Variants in NFATC2 observed in about 807,000 individuals in gnomAD.
NFATC2 encodes nuclear factor of activated T cells 2.
Under a neutral mutation model 87.3 loss-of-function variants are expected in NFATC2, and 22 were observed. The observed-to-expected ratio is 0.25, with a 90% CI of 0.18 to 0.36. The LOEUF is 0.36. Ranked by LOEUF, NFATC2 falls within the 10% of genes least tolerant of loss-of-function variation. The pLI is 1.00. For synonymous variants in NFATC2, 565 were observed against 542.2 expected (o/e 1.04, Z -0.58); for missense variants, 1,149 against 1,259.1 (o/e 0.91, Z 1.32).
chr20:51,494,285 C>T (rs1427151566), intron 3 of NFATC2, among the ~76,000 whole-genome samples: 2 of 152,064 alleles, frequency 1.3e-5, no homozygotes, highest in African/African-American at 2.4e-5. Flanking sequence ...CTAAGGTGTC[C>T]GGCACAGGGC....
At chr20:51,474,825 C>T (rs917194295) in intron 4 of NFATC2, among the ~76,000 whole-genome samples, 1 of 152,134 alleles carries the variant, frequency 6.6e-6, no homozygotes, top group Non-Finnish European at 1.5e-5. Flanking sequence ...TTGGGCCTCT[C>T]TGCATCATCA....
chr20:51,553,238 C>G (rs1249553857), intron 1 of NFATC2, among the ~76,000 whole-genome samples: 2 of 152,162 alleles, frequency 1.3e-5, no homozygotes, highest in African/African-American at 2.4e-5. Context: ...CTGCCGGGAG[C>G]CTGTGAGCTT....
rs559062496 is a variant in NFATC2 at position 51,432,784 on chromosome 20, C to T, written c.2033-28G>A. 52 of 1,520,546 alleles carry T rather than the reference C, an allele frequency of 3.4e-5. No homozygotes were observed. The East Asian group carries it at 4.8e-4, about 14-fold the overall frequency. 94.2% of individuals were successfully genotyped at this position (1,520,546 alleles called of 1,614,324 possible). On this transcript the variant is annotated intron_variant, in intron 8 of 10. Coordinates refer to ENST00000371564, the MANE Select transcript of NFATC2 (RefSeq NM_012340.5). The surrounding 1 kb of genome is among the most constrained non-coding windows in gnomAD (Gnocchi z 4.6). The stretch of plus-strand genomic sequence containing the variant: ...GGGAGGAGAAAAGAGCACATAGGGG[C>T]GCCCATGGCAGTGAGCCACGGATGT...
At chr20:51,403,674 A>G (rs377391944) in intron 9 of NFATC2, among the ~76,000 whole-genome samples, 37 of 152,190 alleles carry the variant, frequency 2.4e-4, no homozygotes, top group African/African-American at 8.4e-4. Context: ...AAGGGCCACC[A>G]GAGGTCAGTC....
chr20:51,396,888 A>T (rs1437476764), intron 10 of NFATC2, among the ~76,000 whole-genome samples: 1 of 151,570 alleles, frequency 6.6e-6, no homozygotes, highest in Non-Finnish European at 1.5e-5. Flanking sequence ...TAAGTTTCCT[A>T]AGCAACCGGG....
intron 5 of NFATC2, among the ~76,000 whole-genome samples, chr20:51,456,632 C>T (rs761062050): frequency 1.7e-4 from 26 of 152,326 alleles, no homozygotes; most frequent in South Asian, 8.3e-4. Context: ...AGGCCAGGCC[C>T]GCCCCCTGGG....
intron 5 of NFATC2, among the ~76,000 whole-genome samples, chr20:51,464,248 C>G (rs1440854991): frequency 1.3e-5 from 2 of 152,212 alleles, no homozygotes; most frequent in Non-Finnish European, 2.9e-5. Flanking sequence ...CAAAGGCCAC[C>G]ACAAAGGAGG....
At chr20:51,416,483 G>C (rs1204478390) in intron 9 of NFATC2, among the ~76,000 whole-genome samples, 2 of 152,158 alleles carry the variant, frequency 1.3e-5, no homozygotes, top group Admixed American at 6.5e-5. Context: ...CATGATGAAG[G>C]GGTTTCACAT....
At chr20:51,502,836 A>G (rs551606936) in intron 3 of NFATC2, among the ~76,000 whole-genome samples, 3 of 152,342 alleles carry the variant, frequency 2.0e-5, no homozygotes, top group East Asian at 3.9e-4. Context: ...TCAAATAGGA[A>G]CATGGGATTC....
intron 9 of NFATC2, among the ~76,000 whole-genome samples, chr20:51,400,616 T>A (rs1459702382): frequency 2.6e-5 from 4 of 152,122 alleles, no homozygotes; most frequent in African/African-American, 4.8e-5. Context: ...AGAGTTTCAC[T>A]CTTTGTCAGC....
chr20:51,545,779 CGGAT>C (rs1568754193), upstream of NFATC2, among the ~76,000 whole-genome samples: 1 of 150,892 alleles, frequency 6.6e-6, no homozygotes, highest in Admixed American at 6.6e-5. Context: ...GGTGGATGGA[CGGAT>C]GGATGGAGGA....
At chr20:51,521,837 G>C (rs911444728) in intron 2 of NFATC2, among the ~76,000 whole-genome samples, 3 of 152,282 alleles carry the variant, frequency 2.0e-5, no homozygotes, top group African/African-American at 7.2e-5. Context: ...GTTTCTGTGA[G>C]AATCAAATGA....
At chr20:51,514,770 G>A (rs1195128277) in intron 3 of NFATC2, among the ~76,000 whole-genome samples, 3 of 152,192 alleles carry the variant, frequency 2.0e-5, no homozygotes, top group African/African-American at 4.8e-5. Context: ...CTACTCAGGA[G>A]GCTGAGGCAG....
rs2076516429 is a variant in NFATC2 at position 51,524,788 on chromosome 20, A to C, written c.131-678T>G. On this transcript the variant is annotated intron_variant, in intron 1 of 10. Transcript: ENST00000371564. The surrounding 1 kb of genome is among the most constrained non-coding windows in gnomAD (Gnocchi z 4.0). ...ATCTGTGTCATTTTACAAATGAGGA[A>C]ACTGAGGCCCAGAGCGGGGAAAAGG... 6.6e-6 allele frequency among the ~76,000 whole-genome samples: 1 copy of C among 152,158 alleles called. No homozygotes were observed. Among genetic ancestry groups the C allele is most frequent in the East Asian group, 1.9e-4 (1 of 5,196 alleles).
rs769786407 is a variant in NFATC2, at chr20:51,454,569, C to A, written c.1828G>T (p.Val610Leu). 8 of 1,613,962 alleles carry A rather than the reference C, an allele frequency of 5.0e-6. No individual in the cohort carries two copies. Among genetic ancestry groups the A allele is most frequent in the South Asian group, 2.2e-5 (2 of 91,092 alleles). Residue 610 changes from valine (V) to leucine (L), a missense_variant, in exon 6 of 11, where the codon GTG becomes TTG. Physicochemically the swap from Val to Leu is conservative, Grantham distance 32 (BLOSUM62 1). This residue lies in a region of NFATC2 where 581 missense variants were observed against 649.7 expected (regional missense o/e 0.89). Coordinates refer to ENST00000371564, the MANE Select transcript of NFATC2 (RefSeq NM_012340.5). Reference protein sequence around the residue: ...GQNFTSESKVVFTEKTTDGQQ... With the variant: ...GQNFTSESKVLFTEKTTDGQQ... ...TGACCTGTGGTCTTCTCAGTAAACA[C>A]AACTTTGGACTCGGATGTAAAGTTC...
intron 9 of NFATC2, among the ~76,000 whole-genome samples, chr20:51,406,464 G>GC (rs1277382751): frequency 1.3e-5 from 2 of 152,290 alleles, no homozygotes; most frequent in South Asian, 4.1e-4. Flanking sequence ...GAGCGGCTTG[G>GC]CCCCCTCGGG....
chr20:51,464,172 C>G (rs895140564), intron 5 of NFATC2, among the ~76,000 whole-genome samples: 2 of 152,162 alleles, frequency 1.3e-5, no homozygotes, highest in Non-Finnish European at 2.9e-5. Flanking sequence ...GTACGTAAAG[C>G]CTGCTTTACA....
In NFATC2 at chr20:51,524,399, T is replaced by C. The variant is rs961114946; in HGVS notation, c.131-289A>G. 2.0e-5 allele frequency among the ~76,000 whole-genome samples: 3 copies of C among 151,776 alleles called. No homozygotes were observed. In the East Asian group the frequency reaches 5.8e-4, roughly 29 times the overall value. ...ACCCTTCGGAGAAGTGCACTTTATC[T>C]CACAACCCCATTCACGCCACCATAT... On this transcript the variant is annotated intron_variant, in intron 1 of 10. Transcript: ENST00000371564. The surrounding 1 kb of genome is among the most constrained non-coding windows in gnomAD (Gnocchi z 4.0).
chr20:51,428,629 C>T (rs1235283548), intron 9 of NFATC2, among the ~76,000 whole-genome samples: 1 of 152,148 alleles, frequency 6.6e-6, no homozygotes, highest in South Asian at 2.1e-4. Context: ...GTGCAGGAAA[C>T]GATAACTCAG....
Sources: gnomAD v4.1 joint callset for allele counts (sites outside exome capture counted in the v4.1 genomes callset) on GRCh38, gnomAD v4.1.1 for gene constraint, gnomAD v4.1.1 regional missense constraint, Gnocchi (gnomAD v3.1) non-coding constraint, MANE v1.5 for transcripts, NCBI Gene and HGNC (gene_info 2026-07-23, HGNC 2026-07-21) for gene names.